Variants in ANKRD27 observed in about 807,000 individuals in gnomAD.
The protein encoded by ANKRD27 is ankyrin repeat domain-containing protein 27.
ANKRD27 carries 112 observed loss-of-function variants against 129.7 expected under a neutral mutation model. That is an observed-to-expected ratio of 0.86 (90% CI 0.74 to 1.01). The LOEUF (loss-of-function observed/expected upper bound fraction) is 1.01, where lower values mean the gene tolerates loss of function less well. Ranked by LOEUF, ANKRD27 falls within the 50% of genes least tolerant of loss-of-function variation. ANKRD27 has a pLI of 0.00. For missense variants in ANKRD27, 1,258 were observed against 1,300.5 expected, an observed-to-expected ratio of 0.97 and a Z score of 0.50; for synonymous variants, 516 against 511.2, an observed-to-expected ratio of 1.01 and a Z score of -0.13.
chr19:32,603,554 T>C (rs1337309982), intron 25 of ANKRD27, among the ~76,000 whole-genome samples: 1 of 152,154 alleles, frequency 6.6e-6, no homozygotes, highest in Non-Finnish European at 1.5e-5. Context: ...TTTACTTTCA[T>C]TTTTTTGAGA....
rs964598209 is a variant in ANKRD27, at chr19:32,626,939, C to T, written c.1421-112G>A. The T allele has an allele frequency of 3.4e-5, 21 of 610,390 alleles. 1 individual carries two copies. Among genetic ancestry groups the T allele is most frequent in the Middle Eastern group, 5.2e-4 (2 of 3,848 alleles). 37.8% of individuals were successfully genotyped at this position (610,390 alleles called of 1,614,324 possible). A position where few individuals can be genotyped will look rare whatever the true frequency, so the allele number is the denominator to read the frequency against. On this transcript the variant is annotated intron_variant, in intron 15 of 28. Coordinates refer to ENST00000306065, the MANE Select transcript of ANKRD27 (RefSeq NM_032139.3). ...CTCCTAGTCCTGGGCATGAAACCCA[C>T]GGTAGATACTTTTTCTGCTAGAGAG...
At chr19:32,656,059 A>AAAAGAAAGAAAGAAAGAAAGAAAG (rs752509674) in intron 2 of ANKRD27, among the ~76,000 whole-genome samples, 35 of 65,904 alleles carry the variant, frequency 5.3e-4, no homozygotes, top group South Asian at 1.1e-3. Flanking sequence ...GAAAAGAAAG[A>AAAAGAAAGAAAGAAAGAAAGAAAG]AAAGAAAGAA....
chr19:32,656,296 C>G (rs1479691933), intron 2 of ANKRD27, among the ~76,000 whole-genome samples: 1 of 152,060 alleles, frequency 6.6e-6, no homozygotes, highest in East Asian at 1.9e-4. Context: ...CTTGTCTAGA[C>G]AGTAGTTTAA....
chr19:32,640,958 G>A (rs1411052675), intron 10 of ANKRD27, among the ~76,000 whole-genome samples: 1 of 152,086 alleles, frequency 6.6e-6, no homozygotes, highest in African/African-American at 2.4e-5. Flanking sequence ...GAGTGCAGTG[G>A]CGCAATCTTG....
chr19:32,634,241 T>C (rs2145291024), intron 12 of ANKRD27, among the ~76,000 whole-genome samples: 1 of 152,328 alleles, frequency 6.6e-6, no homozygotes, highest in Admixed American at 6.5e-5. Flanking sequence ...ACTCTCTACA[T>C]TCCTAAAGGG....
intron 23 of ANKRD27, 55 bp from the exon 24 acceptor site, chr19:32,606,009 C>T: frequency 6.7e-7 from 1 of 1,490,386 alleles, no homozygotes; most frequent in Non-Finnish European, 9.0e-7. Flanking sequence ...TCATTTCCTG[C>T]CAGAGAAAAA....
In ANKRD27 at chr19:32,631,818, T is replaced by C. The variant is rs145349747; in HGVS notation, c.1117-324A>G. ...ATTGTCCTCCAGATGGAAACTCACA[T>C]TGCCGTGGCCTCCCTTCCTCCTCAA... On this transcript the variant is annotated intron_variant, in intron 12 of 28. Transcript: ENST00000306065. 2.1e-3 allele frequency among the ~76,000 whole-genome samples: 315 copies of C among 152,310 alleles called. 1 individual carries two copies. Among genetic ancestry groups the C allele is most frequent in the African/African-American group, 7.1e-3 (297 of 41,562 alleles).
At chr19:32,617,323 C>T (rs556031839) in intron 21 of ANKRD27, among the ~76,000 whole-genome samples, 2 of 152,178 alleles carry the variant, frequency 1.3e-5, no homozygotes, top group South Asian at 4.2e-4. Flanking sequence ...GCAGGAGAAT[C>T]GCTTGAGGCC....
At chr19:32,643,742 A>C in intron 5 of ANKRD27, 111 bp from the exon 6 acceptor site, 4 of 1,076,970 alleles carry the variant, frequency 3.7e-6, no homozygotes, top group Non-Finnish European at 5.6e-6. Flanking sequence ...AGCTTTATGA[A>C]GTCAATTACG....
chr19:32,673,310 T>A, intron 1 of ANKRD27: 1 of 985,842 alleles, frequency 1.0e-6, no homozygotes, highest in Non-Finnish European at 1.2e-6. Context: ...TCTCTGCTCC[T>A]GCTCCCATCC....
chr19:32,607,825 G>A lies in ANKRD27; in HGVS notation c.2183C>T (p.Ala728Val), dbSNP rs201798259. 1.0e-5 allele frequency: 16 copies of A among 1,592,600 alleles called. No individual in the cohort carries two copies. The highest frequency in any genetic ancestry group is 1.3e-5 in the African/African-American group (1 of 74,082). The change falls in exon 23 of 29, where the codon GCG becomes GTG. Residue 728 changes from alanine (A) to valine (V), a missense_variant. Transcript: ENST00000306065. ...ACCAAGCCCACTGGCAGGAACCTTC[G>A]CCAGCCTCTGGGAAGCGCAGAAGAT... is the stretch of plus-strand genomic sequence containing the variant. ...PKCAPAQKRL[A>V]KVPASGLGVN...
intron 22 of ANKRD27, among the ~76,000 whole-genome samples, chr19:32,613,955 GC>G: frequency 6.6e-6 from 1 of 152,230 alleles, no homozygotes; most frequent in South Asian, 2.1e-4. Context: ...TGATCCACCT[GC>G]CTCGGCCTCC....
At chr19:32,656,562 G>C (rs1967541211) in intron 2 of ANKRD27, among the ~76,000 whole-genome samples, 1 of 152,138 alleles carries the variant, frequency 6.6e-6, no homozygotes, top group Admixed American at 6.6e-5. Context: ...TGAAGCAGGA[G>C]GATCACTTGA....
intron 3 of ANKRD27, among the ~76,000 whole-genome samples, chr19:32,648,033 A>G (rs756259074): frequency 6.6e-6 from 1 of 152,206 alleles, no homozygotes; most frequent in Non-Finnish European, 1.5e-5. Context: ...TCGGAGACCA[A>G]GGTGGGTGGA....
chr19:32,608,170 ATTTT>A (rs3042665), intron 22 of ANKRD27, among the ~76,000 whole-genome samples: 13 of 140,224 alleles, frequency 9.3e-5, no homozygotes, highest in South Asian at 4.4e-4. Context: ...TGCCCAGCTA[ATTTT>A]TTTTTTTTTT....
intron 16 of ANKRD27, 92 bp downstream of exon 16, chr19:32,626,620 T>TTAAAAAAAAAA: frequency 3.2e-6 from 3 of 936,462 alleles, no homozygotes; most frequent in African/African-American, 1.7e-5. Flanking sequence ...GAGACAGGGG[T>TTAAAAAAAAAA]GCAGGGTAGC....
In ANKRD27 at chr19:32,658,916, T is replaced by G. The variant is rs746199276; in HGVS notation, c.100A>C (p.Ile34Leu). ...ACCCCGAGGCTCAGTGCACTTACAA[T>G]GCCATGGATTTGGGCCACTTTGCTG... Reference protein sequence around the residue: ...LCSKVAQIHGIVLVPCKGSLS... With the variant: ...LCSKVAQIHGLVLVPCKGSLS... Residue 34 changes from isoleucine to leucine, a missense_variant and splice_region_variant, in exon 2 of 29, where the codon ATT (isoleucine) becomes CTT (leucine). Transcript: ENST00000306065. The G allele has an allele frequency of 3.7e-6, 6 of 1,613,612 alleles. No individual in the cohort carries two copies. The highest frequency in any genetic ancestry group is 4.2e-6 in the Non-Finnish European group (5 of 1,179,748).
intron 1 of ANKRD27, among the ~76,000 whole-genome samples, chr19:32,664,533 T>C (rs1037130091): frequency 6.6e-6 from 1 of 151,100 alleles, no homozygotes; most frequent in Non-Finnish European, 1.5e-5. Context: ...GCAGAACTGC[T>C]TGAACCCAGG....
intron 1 of ANKRD27, among the ~76,000 whole-genome samples, chr19:32,674,613 C>A (rs1228015639): frequency 6.6e-6 from 1 of 152,156 alleles, no homozygotes; most frequent in Non-Finnish European, 1.5e-5. Flanking sequence ...GGATTCCCCG[C>A]TCCGCGCCCT....
Sources: gnomAD v4.1 joint callset for allele counts (sites outside exome capture counted in the v4.1 genomes callset) on GRCh38, gnomAD v4.1.1 for gene constraint, MANE v1.5 for transcripts, NCBI Gene and HGNC (gene_info 2026-07-23, HGNC 2026-07-21) for gene names.